Variants in TENM4 observed in about 807,000 individuals in gnomAD.
TENM4 encodes the protein teneurin-4.
TENM4 carries 82 observed loss-of-function variants against 243.3 expected under a neutral mutation model. The ratio of observed to expected loss-of-function variants is 0.34; its 90% CI spans 0.28 to 0.40. The LOEUF (loss-of-function observed/expected upper bound fraction) is 0.40, where lower values mean the gene tolerates loss of function less well. TENM4 is among the 10% of genes least tolerant of loss of function. The probability of loss-of-function intolerance (pLI) is 1.00; values close to 1 mark genes in which losing one functional copy is unlikely to be tolerated. For synonymous variants in TENM4, 1,412 were observed against 1,456.3 expected (o/e 0.97, Z 0.69); for missense variants, 3,138 against 3,673.3 (o/e 0.85, Z 3.77).
chr11:79,092,892 C>T (rs1287351325), intron 4 of TENM4: 1 of 152,154 alleles, frequency 6.6e-6, no homozygotes, highest in Admixed American at 6.5e-5. Context: ...AGGTAAGTTA[C>T]TCTAATTCTC....
chr11:79,047,855 A>C (rs1859696746), intron 6 of TENM4, among the ~76,000 whole-genome samples: 1 of 152,238 alleles, frequency 6.6e-6, no homozygotes, highest in Non-Finnish European at 1.5e-5. Flanking sequence ...GAAATGAGAT[A>C]GTGTATTTGA....
intron 6 of TENM4, among the ~76,000 whole-genome samples, chr11:78,954,109 A>G (rs1303766793): frequency 1.3e-5 from 2 of 152,150 alleles, no homozygotes; most frequent in Non-Finnish European, 2.9e-5. Flanking sequence ...GGAAGCCACA[A>G]AGTTTCCTGG....
chr11:79,070,003 G>A lies in TENM4; in HGVS notation c.-59C>T. 8 of 1,519,802 alleles carry A rather than the reference G, an allele frequency of 5.3e-6. No homozygotes were observed. Among genetic ancestry groups the A allele is most frequent in the Non-Finnish European group, 7.0e-6 (8 of 1,136,888 alleles). The allele number at this position is 1,519,802 out of a possible 1,614,324, so 94.1% of individuals were successfully genotyped here. ...CAGGGTCCTCGCCGCACTCAGGGCC[G>A]AGTGGTCTAGAGCCAGGGAAACCAA... On this transcript the variant is annotated 5_prime_UTR_variant, in exon 5 of 34. Transcript: ENST00000278550.
chr11:78,863,076 CATACAT>C lies in TENM4; in HGVS notation c.1135_1140del (p.Met379_Tyr380del). On this transcript the variant is annotated inframe_deletion, in exon 10 of 34. Coordinates refer to ENST00000278550, the MANE Select transcript of TENM4 (RefSeq NM_001098816.3). ...CTGCTGGCTGTGTCCTCCGTGATCTCATACATCTGCCCCTCCATCGGCTGCAGGTGC... is the reference window on the plus strand; with the variant it reads ...CTGCTGGCTGTGTCCTCCGTGATCTCCTGCCCCTCCATCGGCTGCAGGTGC... The C allele has an allele frequency of 6.5e-7, 1 of 1,535,000 alleles. No homozygotes were observed. Among genetic ancestry groups the C allele is most frequent in the Non-Finnish European group, 8.8e-7 (1 of 1,134,594 alleles).
intron 1 of TENM4, among the ~76,000 whole-genome samples, chr11:79,402,503 C>A (rs976541086): frequency 1.3e-5 from 2 of 152,142 alleles, no homozygotes; most frequent in Non-Finnish European, 2.9e-5. Flanking sequence ...GGTTTCCCAT[C>A]CAATTATTCA....
chr11:79,023,577 AT>A (rs1325161060), intron 6 of TENM4, among the ~76,000 whole-genome samples: 4 of 151,668 alleles, frequency 2.6e-5, no homozygotes, highest in Non-Finnish European at 2.9e-5. Flanking sequence ...AAAAAAAAAA[AT>A]CATGATGACT....
intron 4 of TENM4, among the ~76,000 whole-genome samples, chr11:79,112,591 C>T (rs527524867): frequency 6.6e-5 from 10 of 152,198 alleles, no homozygotes; most frequent in East Asian, 1.9e-4. Context: ...GGCTGTGGTG[C>T]GGTAGAGACC....
At chr11:79,406,828 T>C (rs1858584061) in intron 1 of TENM4, among the ~76,000 whole-genome samples, 1 of 152,150 alleles carries the variant, frequency 6.6e-6, no homozygotes, top group Non-Finnish European at 1.5e-5. Context: ...GGGAGAGAAA[T>C]ATATATTTAC....
Position 79,387,328 on chromosome 11 carries a change from T to C in TENM4, c.-321+53181A>G, listed in dbSNP as rs577757348. On this transcript the variant is annotated intron_variant, in intron 1 of 33. Coordinates refer to ENST00000278550, the MANE Select transcript of TENM4 (RefSeq NM_001098816.3). ...TTAAAGTTCTGGTTACATTGGTATGTTAATTTTATGAAAAATCCACTGAGC... is the reference window on the plus strand; with the variant it reads ...TTAAAGTTCTGGTTACATTGGTATGCTAATTTTATGAAAAATCCACTGAGC... 5.1e-4 allele frequency among the ~76,000 whole-genome samples: 77 copies of C among 152,338 alleles called. No individual in the cohort carries two copies. The Middle Eastern group carries it at 0.01, about 20-fold the overall frequency.
intron 26 of TENM4, among the ~76,000 whole-genome samples, chr11:78,709,343 T>C (rs1477094243): frequency 2.6e-5 from 4 of 152,124 alleles, no homozygotes; most frequent in Non-Finnish European, 5.9e-5. Flanking sequence ...TAGAATCCTA[T>C]GGATTTGTGT....
intron 6 of TENM4, among the ~76,000 whole-genome samples, chr11:79,007,790 A>G (rs1395217339): frequency 6.6e-6 from 1 of 152,114 alleles, no homozygotes; most frequent in Non-Finnish European, 1.5e-5. Context: ...AAATCCGTGT[A>G]CCTTCCTGAA....
chr11:78,774,784 T>A (rs907558965), intron 17 of TENM4, among the ~76,000 whole-genome samples: 2 of 152,158 alleles, frequency 1.3e-5, no homozygotes, highest in Non-Finnish European at 2.9e-5. Context: ...ATAGAGAAGG[T>A]CAAAACAACG....
At chr11:79,298,067 C>G (rs1856485924) in intron 1 of TENM4, among the ~76,000 whole-genome samples, 1 of 152,098 alleles carries the variant, frequency 6.6e-6, no homozygotes, top group African/African-American at 2.4e-5. Flanking sequence ...GACAGTTGAC[C>G]ATTGCCCTTA....
chr11:78,806,238 G>T (rs1194655593), intron 14 of TENM4, among the ~76,000 whole-genome samples: 1 of 152,228 alleles, frequency 6.6e-6, no homozygotes, highest in African/African-American at 2.4e-5. Flanking sequence ...GGTCAAGGCT[G>T]CAATGAGCTA....
At chr11:78,957,247 T>C (rs1353430565) in intron 6 of TENM4, among the ~76,000 whole-genome samples, 1 of 151,964 alleles carries the variant, frequency 6.6e-6, no homozygotes, top group Non-Finnish European at 1.5e-5. Flanking sequence ...TACCCCAGTG[T>C]TCTACACCCT....
At chr11:79,156,789 T>C (rs1377448830) in intron 3 of TENM4, among the ~76,000 whole-genome samples, 1 of 152,186 alleles carries the variant, frequency 6.6e-6, no homozygotes, top group African/African-American at 2.4e-5. Flanking sequence ...CACTAATTAA[T>C]CTATGTATTT....
chr11:79,014,614 C>T (rs1021656762), intron 6 of TENM4: 3 of 152,226 alleles, frequency 2.0e-5, no homozygotes, highest in African/African-American at 4.8e-5. Context: ...TGCACAGAGG[C>T]CACCAGGGCT....
intron 20 of TENM4, 58 bp from the exon 21 acceptor site, chr11:78,732,635 T>C: frequency 6.6e-7 from 1 of 1,518,234 alleles, no homozygotes; most frequent in Non-Finnish European, 8.9e-7. Context: ...GGAACCAGGA[T>C]GAGAAAGAGA....
At chr11:79,276,280 G>A (rs1178802623) in intron 2 of TENM4, among the ~76,000 whole-genome samples, 1 of 152,232 alleles carries the variant, frequency 6.6e-6, no homozygotes, top group African/African-American at 2.4e-5. Flanking sequence ...ATGAGGACAG[G>A]AGGGACCTCA....
Sources: gnomAD v4.1 joint callset for allele counts (sites outside exome capture counted in the v4.1 genomes callset) on GRCh38, gnomAD v4.1.1 for gene constraint, MANE v1.5 for transcripts, NCBI Gene and HGNC (gene_info 2026-07-23, HGNC 2026-07-21) for gene names.